The following GLIS1 variants were observed in gnomAD, a reference collection of about 807,000 sequenced individuals.
GLIS1 encodes GLIS family zinc finger 1, also known as zinc finger protein GLIS1.
A neutral mutation model predicts 63.8 loss-of-function variants in GLIS1; 24 were observed. The ratio of observed to expected loss-of-function variants is 0.38; its 90% CI spans 0.27 to 0.53. The LOEUF (loss-of-function observed/expected upper bound fraction) is 0.53, where lower values mean the gene tolerates loss of function less well. Among genes scored for constraint, GLIS1 ranks in the 20% least tolerant of loss-of-function variants. The probability of loss-of-function intolerance (pLI) is 0.85; values close to 1 mark genes in which losing one functional copy is unlikely to be tolerated. For synonymous variants in GLIS1, 450 were observed against 482.5 expected (o/e 0.93, Z 0.88); for missense variants, 1,036 against 1,074.1 (o/e 0.96, Z 0.50).
At chr1:53,528,954 T>C (rs796109908) in intron 5 of GLIS1, among the ~76,000 whole-genome samples, 3 of 152,238 alleles carry the variant, frequency 2.0e-5, no homozygotes, top group African/African-American at 7.2e-5. Flanking sequence ...ACCCAGGGCC[T>C]AGTGTAAGGC....
chr1:53,677,684 C>T (rs1557517071), intron 2 of GLIS1, among the ~76,000 whole-genome samples: 1 of 152,268 alleles, frequency 6.6e-6, no homozygotes, highest in Non-Finnish European at 1.5e-5. Flanking sequence ...TTGGACCCAG[C>T]CGCGGGCACC....
intron 4 of GLIS1, among the ~76,000 whole-genome samples, chr1:53,580,564 G>T (rs895220159): frequency 2.0e-5 from 3 of 152,146 alleles, no homozygotes; most frequent in Admixed American, 2.0e-4. Flanking sequence ...TTTAAAAGAG[G>T]AGTCATCGCT....
Position 53,526,843 on chromosome 1 carries a change from G to A in GLIS1, c.1483-1956C>T, listed in dbSNP as rs1413525110. On this transcript the variant is annotated intron_variant, in intron 5 of 10. Transcript: ENST00000628545. The surrounding 1 kb of genome is among the most constrained non-coding windows in gnomAD (Gnocchi z 4.4). ...GAACATTCCTCAGGCCCCATTCCCCGTGAGCCTGTGGGAAACCCTGTGGCC... is the reference window on the plus strand; with the variant it reads ...GAACATTCCTCAGGCCCCATTCCCCATGAGCCTGTGGGAAACCCTGTGGCC... Among the ~76,000 whole-genome samples, 5 of 151,948 alleles carry A rather than the reference G, an allele frequency of 3.3e-5. No homozygotes were observed. Among genetic ancestry groups the A allele is most frequent in the East Asian group, 1.9e-4 (1 of 5,154 alleles).
chr1:53,734,052 C>G, intron 2 of GLIS1: 1 of 983,548 alleles, frequency 1.0e-6, no homozygotes, highest in African/African-American at 1.8e-5. Context: ...TGCGCACAAT[C>G]TACAATTCCT....
intron 2 of GLIS1, among the ~76,000 whole-genome samples, chr1:53,730,286 T>G (rs1401416723): frequency 6.6e-6 from 1 of 152,148 alleles, no homozygotes; most frequent in Non-Finnish European, 1.5e-5. Flanking sequence ...TGGCAACCTC[T>G]GCCGGCACGT....
intron 2 of GLIS1, among the ~76,000 whole-genome samples, chr1:53,649,153 G>A (rs1192943941): frequency 6.6e-6 from 1 of 152,080 alleles, no homozygotes; most frequent in Admixed American, 6.5e-5. Context: ...TGCATAAAAT[G>A]TATGTAGATA....
rs1010902623 is a variant in GLIS1, at chr1:53,739,098, C to G, written c.-43+7G>C. Among the ~76,000 whole-genome samples the G allele has an allele frequency of 1.5e-4, 23 of 151,754 alleles. No homozygotes were observed. Among genetic ancestry groups the G allele is most frequent in the Admixed American group, 6.6e-4 (10 of 15,240 alleles). Reference sequence around the variant, plus strand: ...CTCCCTCGGCCGCGGGCCGCGCCCCCTCTCACCTCGCAGCGGCAGCTGCAG... The same window carrying G: ...CTCCCTCGGCCGCGGGCCGCGCCCCGTCTCACCTCGCAGCGGCAGCTGCAG... On this transcript the variant is annotated splice_region_variant and intron_variant, in intron 1 of 10. Transcript: ENST00000628545.
intron 2 of GLIS1, among the ~76,000 whole-genome samples, chr1:53,725,589 C>T (rs960611320): frequency 1.3e-5 from 2 of 152,166 alleles, no homozygotes; most frequent in African/African-American, 4.8e-5. Context: ...CTGCAAACAC[C>T]GACCCTCCAG....
rs572356037 is a variant in GLIS1, at chr1:53,594,728, C to G, written c.700G>C (p.Glu234Gln). ...LGLQPETHLPEGSLKRCCVLG... is the reference protein window; with the variant it reads ...LGLQPETHLPQGSLKRCCVLG... ...ACGCAGCACCGCTTCAGGCTGCCCT[C>G]GGGGAGGTGGGTCTCGGGCTGGAGG... The change falls in exon 4 of 11, where the codon GAG (glutamate) becomes CAG (glutamine). Residue 234 changes from glutamate to glutamine, a missense_variant. This residue lies in a region of GLIS1 where 592 missense variants were observed against 593.9 expected (regional missense o/e 1.00). Coordinates refer to ENST00000628545, the MANE Select transcript of GLIS1 (RefSeq NM_001367484.1). 2 of 1,567,796 alleles carry G rather than the reference C, an allele frequency of 1.3e-6. No homozygotes were observed. The highest frequency in any genetic ancestry group is 1.8e-5 in the Admixed American group (1 of 55,336).
chr1:53,522,684 G>A (rs1644422020), intron 6 of GLIS1, among the ~76,000 whole-genome samples: 1 of 152,102 alleles, frequency 6.6e-6, no homozygotes, highest in Admixed American at 6.5e-5. Context: ...CAAGGTGGAA[G>A]GATTACTTGA....
chr1:53,666,810 G>A (rs983972672), intron 2 of GLIS1, among the ~76,000 whole-genome samples: 14 of 152,086 alleles, frequency 9.2e-5, no homozygotes, highest in African/African-American at 3.1e-4. Flanking sequence ...CAGGGGTGAT[G>A]AAGTCAAACT....
chr1:53,625,475 A>C (rs1228512922), intron 2 of GLIS1, among the ~76,000 whole-genome samples: 2 of 152,212 alleles, frequency 1.3e-5, no homozygotes, highest in African/African-American at 4.8e-5. Context: ...CTCGGCCTTG[A>C]CACAACTAAA....
intron 4 of GLIS1, among the ~76,000 whole-genome samples, chr1:53,545,810 C>G (rs1231393403): frequency 1.3e-5 from 2 of 152,222 alleles, no homozygotes; most frequent in Admixed American, 6.5e-5. Context: ...GACTTCTTGC[C>G]TAGTGCTACG....
At chr1:53,541,865 G>A (rs759209929) in intron 4 of GLIS1, among the ~76,000 whole-genome samples, 19 of 152,228 alleles carry the variant, frequency 1.2e-4, no homozygotes, top group Middle Eastern at 3.2e-3. Flanking sequence ...TCTGAGGCTC[G>A]GTCCGTTCAT....
At chr1:53,695,425 CAGA>C (rs10563375) in intron 2 of GLIS1, among the ~76,000 whole-genome samples, 38,294 of 152,048 alleles carry the variant, frequency 0.25, 5,168 homozygotes, top group African/African-American at 0.36. Flanking sequence ...GAAGACTAAC[CAGA>C]AGAAGGTGAC....
intron 2 of GLIS1, among the ~76,000 whole-genome samples, chr1:53,715,972 C>T (rs866298579): frequency 6.6e-6 from 1 of 152,118 alleles, no homozygotes; most frequent in South Asian, 2.1e-4. Flanking sequence ...CAGTTATATG[C>T]CAATAGGAGT....
chr1:53,512,764 A>C (rs1042745320), intron 8 of GLIS1, among the ~76,000 whole-genome samples: 7 of 152,060 alleles, frequency 4.6e-5, no homozygotes, highest in African/African-American at 1.7e-4. Context: ...TGCAGGCGGC[A>C]GGCAGGTGAT....
intron 9 of GLIS1, 98 bp from the exon 10 acceptor site, chr1:53,509,385 C>G: frequency 7.9e-7 from 1 of 1,259,920 alleles, no homozygotes; most frequent in Non-Finnish European, 1.1e-6. Context: ...CCGTGTTGTC[C>G]TGTCCAGGCA....
At chr1:53,506,854 A>G (rs1021304340) in intron 10 of GLIS1, 78 bp from the exon 11 acceptor site, 22 of 1,393,678 alleles carry the variant, frequency 1.6e-5, no homozygotes, top group Non-Finnish European at 1.9e-5. Context: ...TCCAGGCCCC[A>G]CCCCGCCTGC....
Sources: allele counts gnomAD v4.1 joint callset (sites outside exome capture counted in the v4.1 genomes callset), GRCh38; gene constraint gnomAD v4.1.1; regional missense constraint gnomAD v4.1.1; non-coding constraint Gnocchi (gnomAD v3.1); transcripts MANE v1.5; gene names NCBI Gene and HGNC (gene_info 2026-07-23, HGNC 2026-07-21).